Variants in LILRB1 observed in about 807,000 individuals in gnomAD.
LILRB1 encodes the protein leukocyte immunoglobulin-like receptor subfamily B member 1.
LILRB1 carries 59 observed loss-of-function variants against 74.6 expected under a neutral mutation model. The observed-to-expected ratio is 0.79, with a 90% CI of 0.64 to 0.98. LILRB1 has a LOEUF of 0.98. Among genes scored for constraint, LILRB1 ranks in the 50% least tolerant of loss-of-function variants. The probability of loss-of-function intolerance (pLI) is 0.00; values close to 1 mark genes in which losing one functional copy is unlikely to be tolerated. For synonymous variants in LILRB1, 328 were observed against 333.9 expected (o/e 0.98, Z 0.19); for missense variants, 804 against 822.6 (o/e 0.98, Z 0.28).
intron 1 of LILRB1, among the ~76,000 whole-genome samples, chr19:54,617,589 G>GTGTGTGGT (rs58534340): frequency 7.9e-6 from 1 of 127,384 alleles, no homozygotes; most frequent in Non-Finnish European, 1.7e-5. Flanking sequence ...GTGTGTGTGT[G>GTGTGTGGT]GTGTGTGTGT....
rs556867618 is a variant in LILRB1 at position 54,617,889 on chromosome 19, A to C, written c.-166+540A>C. ...AGCTGAGGTAGGTGACTCATGTGAG[A>C]TCAGGAGTTCAAGACCAGCCTGGCC... On this transcript the variant is annotated intron_variant, in intron 1 of 15. Coordinates refer to the LILRB1 transcript ENST00000396331. Among the ~76,000 whole-genome samples, 3 of 151,938 alleles carry C rather than the reference A, an allele frequency of 2.0e-5. No individual in the cohort carries two copies. The South Asian group carries it at 6.3e-4, about 32-fold the overall frequency.
At chr19:54,622,451 C>T (rs8109138) in intron 1 of LILRB1, among the ~76,000 whole-genome samples, 110,536 of 152,096 alleles carry the variant, frequency 0.73, 40,717 homozygotes, top group African/African-American at 0.8. Context: ...GTTTGTGTGT[C>T]CTTAATTTGA....
rs2064560164 is a variant in LILRB1 at position 54,637,857 on chromosome 19, T to C, written c.*979T>C. On this transcript the variant is annotated 3_prime_UTR_variant, in exon 15 of 15. Coordinates refer to ENST00000324602, the MANE Select transcript of LILRB1 (RefSeq NM_001081637.3). ...AACAGGCGGCAAACCTATGCCAATA[T>C]ACTAGAAATTGCAGATTAAATAGAT... Among the ~76,000 whole-genome samples the C allele has an allele frequency of 6.6e-6, 1 of 152,208 alleles. No individual in the cohort carries two copies. Among genetic ancestry groups the C allele is most frequent in the African/African-American group, 2.4e-5 (1 of 41,444 alleles).
At chr19:54,624,887 A>C (rs1372619689) in intron 1 of LILRB1, among the ~76,000 whole-genome samples, 1 of 150,804 alleles carries the variant, frequency 6.6e-6, no homozygotes, top group African/African-American at 2.4e-5. Flanking sequence ...TGGGGGCTGC[A>C]GCTGAAATGT....
exon 1 of LILRB1, chr19:54,617,251 G>A (rs1189237350): frequency 6.6e-6 from 1 of 152,244 alleles, no homozygotes; most frequent in African/African-American, 2.4e-5. Context: ...CAAGAAGAGT[G>A]ACCCCCTTGT....
rs1203418755 is a variant in LILRB1, at chr19:54,636,602, C to G, written c.1762C>G (p.Leu588Val). ...SPPSPLSGEF[L>V]DTKDRQAEED... The stretch of plus-strand genomic sequence containing the variant: ...TCCTTCCCCACTGTCTGGGGAATTC[C>G]TGGACACAAAGGACAGACAGGCGGA... The change falls in exon 14 of 15, where the codon CTG becomes GTG. Residue 588 changes from leucine to valine, a missense_variant. Coordinates refer to ENST00000324602, the MANE Select transcript of LILRB1 (RefSeq NM_001081637.3). 1 of 1,609,770 alleles carries G rather than the reference C, an allele frequency of 6.2e-7. No individual in the cohort carries two copies. The highest frequency in any genetic ancestry group is 1.7e-5 in the Admixed American group (1 of 59,986).
chr19:54,624,273 G>A (rs957485289), intron 1 of LILRB1, among the ~76,000 whole-genome samples: 4 of 152,154 alleles, frequency 2.6e-5, no homozygotes, highest in African/African-American at 4.8e-5. Context: ...GAGCTACACC[G>A]TTTCCAGTCC....
intron 1 of LILRB1, among the ~76,000 whole-genome samples, chr19:54,617,553 CTGTGTGTGTGTG>C (rs55635122): frequency 1.4e-5 from 2 of 143,204 alleles, no homozygotes; most frequent in East Asian, 2.1e-4. Flanking sequence ...TACAGGATGT[CTGTGTGTGTGTG>C]TGTGTGTGTG....
At chr19:54,634,165 T>G (rs915567801) in intron 9 of LILRB1, 144 bp downstream of exon 9, 12 of 1,515,546 alleles carry the variant, frequency 7.9e-6, no homozygotes, top group Non-Finnish European at 1.1e-5. Context: ...AATGTAAAGG[T>G]GAGAGGCCTG....
At position 54,632,756 on chromosome 19, in the gene LILRB1, C is replaced by G. The variant is rs61737955; in HGVS notation, c.954C>G (p.Ile318Met). Reference sequence around the variant, plus strand: ...CCAGCGACCCCCTGGACATCCTGATCGCAGGTGAGGAGCCCAGCGGGTTCA... The same window carrying G: ...CCAGCGACCCCCTGGACATCCTGATGGCAGGTGAGGAGCCCAGCGGGTTCA... ...SAPSDPLDIL[I>M]AGQFYDRVSL... Residue 318 changes from isoleucine (I) to methionine (M), a missense_variant, in exon 6 of 15, where the codon ATC becomes ATG. Physicochemically the swap from Ile to Met is conservative, Grantham distance 10. Transcript: ENST00000324602. 5.5e-3 allele frequency: 8,921 copies of G among 1,611,906 alleles called. 181 individuals are homozygous for G. The African/African-American group carries it at 0.075, about 14-fold the overall frequency.
At chr19:54,620,417 G>A (rs2063424469) in intron 1 of LILRB1, among the ~76,000 whole-genome samples, 1 of 151,832 alleles carries the variant, frequency 6.6e-6, no homozygotes, top group Non-Finnish European at 1.5e-5. Context: ...GGAGTGCAGT[G>A]GCGTGATTTC....
At chr19:54,624,257 G>A (rs1259717362) in intron 1 of LILRB1, among the ~76,000 whole-genome samples, 2 of 152,220 alleles carry the variant, frequency 1.3e-5, no homozygotes, top group African/African-American at 4.8e-5. Flanking sequence ...TCTGCGGGGG[G>A]TGAAGGAGCT....
chr19:54,637,935 C>G lies in LILRB1; in HGVS notation c.*1057C>G, dbSNP rs2064563850. On this transcript the variant is annotated 3_prime_UTR_variant, in exon 15 of 15. Coordinates refer to ENST00000324602, the MANE Select transcript of LILRB1 (RefSeq NM_001081637.3). ...ATGAACATAAGAGTAATCAGAGAATCTGACTCATTTTAGATGTGTGTGTGT... is the reference window on the plus strand; with the variant it reads ...ATGAACATAAGAGTAATCAGAGAATGTGACTCATTTTAGATGTGTGTGTGT... Among the ~76,000 whole-genome samples the G allele has an allele frequency of 1.3e-5, 2 of 152,090 alleles. No individual in the cohort carries two copies. The highest frequency in any genetic ancestry group is 4.1e-4 in the South Asian group (2 of 4,834).
At chr19:54,617,304 T>G (rs1262551240) in exon 1 of LILRB1, 1 of 152,218 alleles carries the variant, frequency 6.6e-6, no homozygotes, top group East Asian at 1.9e-4. Context: ...TTCTGGAGTT[T>G]GTGTAAAACA....
At position 54,633,652 on chromosome 19, in the gene LILRB1, C is replaced by A. The variant is rs1236121303; in HGVS notation, c.1276C>A (p.Pro426Thr). The stretch of plus-strand genomic sequence containing the variant: ...CTTTTACCCAGGACCGTCTGGGGGC[C>A]CCAGCTCCCCGACAACAGGCCCCAC... Reference protein sequence around the residue: ...ELVVSGPSGGPSSPTTGPTST... With the variant: ...ELVVSGPSGGTSSPTTGPTST... Residue 426 changes from proline (P) to threonine (T), a missense_variant, in exon 8 of 15, where the codon CCC becomes ACC. Coordinates refer to ENST00000324602, the MANE Select transcript of LILRB1 (RefSeq NM_001081637.3). 7 of 1,613,570 alleles carry A rather than the reference C, an allele frequency of 4.3e-6. No homozygotes were observed. Among genetic ancestry groups the A allele is most frequent in the African/African-American group, 1.3e-5 (1 of 74,880 alleles).
chr19:54,631,097 G>T lies in LILRB1; in HGVS notation c.24G>T (p.Leu8=). Reference sequence around the variant, plus strand: ...CCATGACCCCCATCCTCACGGTCCTGATCTGTCTCGGTGAGATTTGAAGAA... The same window carrying T: ...CCATGACCCCCATCCTCACGGTCCTTATCTGTCTCGGTGAGATTTGAAGAA... MTPILTV[L]ICLGLSLGPR... The change falls in exon 2 of 15, where the codon CTG becomes CTT. Residue 8 remains leucine, a synonymous_variant. Transcript: ENST00000324602. 1 of 1,614,184 alleles carries T rather than the reference G, an allele frequency of 6.2e-7. No individual in the cohort carries two copies. Among genetic ancestry groups the T allele is most frequent in the Non-Finnish European group, 8.5e-7 (1 of 1,180,016 alleles).
upstream of LILRB1, among the ~76,000 whole-genome samples, chr19:54,626,840 G>A (rs1348362991): frequency 2.0e-5 from 3 of 151,342 alleles, no homozygotes; most frequent in African/African-American, 4.8e-5. Context: ...CCTGCCCTGC[G>A]GTGTCCATGC....
At position 54,632,147 on chromosome 19, in the gene LILRB1, C is replaced by T. The variant is rs766988590; in HGVS notation, c.571C>T (p.Arg191Cys). 3.1e-6 allele frequency: 5 copies of T among 1,614,222 alleles called. No homozygotes were observed. The South Asian group carries it at 3.3e-5, about 11-fold the overall frequency. ...IFSVGPVSPS[R>C]RWWYRCYAYD... Reference sequence around the variant, plus strand: ...CTCCGTGGGCCCCGTGAGCCCGAGTCGCAGGTGGTGGTACAGGTGCTATGC... The same window carrying T: ...CTCCGTGGGCCCCGTGAGCCCGAGTTGCAGGTGGTGGTACAGGTGCTATGC... The change falls in exon 5 of 15, where the codon CGC becomes TGC. Residue 191 changes from arginine to cysteine, a missense_variant. Physicochemically the swap from Arg to Cys is radical, Grantham distance 180. Coordinates refer to ENST00000324602, the MANE Select transcript of LILRB1 (RefSeq NM_001081637.3).
Position 54,632,658 on chromosome 19 carries a change from C to A in LILRB1, c.856C>A (p.Pro286Thr). The A allele has an allele frequency of 6.2e-7, 1 of 1,613,880 alleles. No homozygotes were observed. The highest frequency in any genetic ancestry group is 8.5e-7 in the Non-Finnish European group (1 of 1,180,014). ...CTCCCAGGCCAACTTCACCCTGGGCCCTGTGAGCCGCTCCTACGGGGGCCA... is the reference window on the plus strand; with the variant it reads ...CTCCCAGGCCAACTTCACCCTGGGCACTGTGAGCCGCTCCTACGGGGGCCA... ...GLSQANFTLG[P>T]VSRSYGGQYR... Residue 286 changes from proline to threonine, a missense_variant, in exon 6 of 15, where the codon CCT becomes ACT. By Grantham distance (38) the Pro-to-Thr change is conservative. Transcript: ENST00000324602.
Sources: allele counts gnomAD v4.1 joint callset (sites outside exome capture counted in the v4.1 genomes callset), GRCh38; gene constraint gnomAD v4.1.1; transcripts MANE v1.5; gene names NCBI Gene and HGNC (gene_info 2026-07-23, HGNC 2026-07-21).